Variants in CFAP70 observed in about 807,000 individuals in gnomAD.
The protein encoded by CFAP70 is cilia- and flagella-associated protein 70.
CFAP70 carries 81 observed loss-of-function variants against 137.6 expected under a neutral mutation model. The observed-to-expected ratio is 0.59, with a 90% CI of 0.49 to 0.71. The LOEUF is 0.71. CFAP70 is among the 30% of genes least tolerant of loss of function. CFAP70 has a pLI of 0.00. For synonymous variants in CFAP70, 382 were observed against 423.6 expected, an observed-to-expected ratio of 0.90 and a Z score of 1.20; for missense variants, 976 against 1,226.7, an observed-to-expected ratio of 0.80 and a Z score of 3.05.
intron 3 of CFAP70, among the ~76,000 whole-genome samples, chr10:73,349,750 C>A (rs1488318113): frequency 3.9e-5 from 6 of 152,192 alleles, no homozygotes; most frequent in African/African-American, 1.4e-4. Flanking sequence ...AATAGTATAA[C>A]AACTATCCAT....
chr10:73,354,958 CCCA>C, intron 1 of CFAP70, 123 bp from the exon 2 acceptor site: 1 of 622,566 alleles, frequency 1.6e-6, no homozygotes, highest in Non-Finnish European at 2.8e-6. Context: ...TGTTTTATTC[CCCA>C]TATCCAACCT....
chr10:73,324,639 A>G (rs2051213451), intron 8 of CFAP70, among the ~76,000 whole-genome samples: 1 of 152,246 alleles, frequency 6.6e-6, no homozygotes, highest in African/African-American at 2.4e-5. Flanking sequence ...AGAAGTGCTT[A>G]AAGGAGCTGA....
chr10:73,346,285 C>T (rs759947761), intron 4 of CFAP70, among the ~76,000 whole-genome samples: 16 of 151,922 alleles, frequency 1.1e-4, no homozygotes, highest in Non-Finnish European at 2.4e-4. Context: ...TAGGTATAGA[C>T]ATATATGTGT....
chr10:73,301,949 A>G (rs2048987023), intron 12 of CFAP70, among the ~76,000 whole-genome samples: 1 of 152,170 alleles, frequency 6.6e-6, no homozygotes, highest in Admixed American at 6.5e-5. Flanking sequence ...AGAGAAGTAT[A>G]TGGTATGTGA....
At chr10:73,263,049 C>T (rs2045419839) in intron 25 of CFAP70, among the ~76,000 whole-genome samples, 1 of 152,082 alleles carries the variant, frequency 6.6e-6, no homozygotes, top group Admixed American at 6.5e-5. Flanking sequence ...ATCTATAGAC[C>T]TTATCAAGAT....
chr10:73,290,907 C>G (rs1023856292), intron 19 of CFAP70, among the ~76,000 whole-genome samples: 2 of 152,264 alleles, frequency 1.3e-5, no homozygotes, highest in Non-Finnish European at 2.9e-5. Context: ...AGAGTTTTTC[C>G]TGGTATCCCT....
intron 14 of CFAP70, among the ~76,000 whole-genome samples, chr10:73,297,938 C>T (rs565736299): frequency 1.7e-4 from 26 of 152,322 alleles, no homozygotes; most frequent in African/African-American, 5.8e-4. Context: ...AAGAGTCAAA[C>T]TGAGACATGA....
intron 12 of CFAP70, among the ~76,000 whole-genome samples, chr10:73,303,095 C>T (rs1012921572): frequency 3.9e-5 from 6 of 151,990 alleles, no homozygotes; most frequent in Non-Finnish European, 7.4e-5. Context: ...TGAGGTCTTG[C>T]TATGTTGCCC....
intron 19 of CFAP70, among the ~76,000 whole-genome samples, chr10:73,287,912 T>C (rs1174027737): frequency 6.7e-6 from 1 of 150,264 alleles, no homozygotes; most frequent in Non-Finnish European, 1.5e-5. Flanking sequence ...CTAACTATTT[T>C]TTTGAGATGG....
chr10:73,326,892 A>G (rs1293336711), intron 8 of CFAP70, among the ~76,000 whole-genome samples: 1 of 150,908 alleles, frequency 6.6e-6, no homozygotes, highest in South Asian at 2.1e-4. Context: ...ATTCACAGCC[A>G]AATTCTACCA....
rs1282668167 is a variant in CFAP70 at position 73,345,073 on chromosome 10, G to A, written c.391C>T (p.Leu131Phe). The change falls in exon 5 of 27, where the codon CTT becomes TTT. Residue 131 changes from leucine (L) to phenylalanine (F), a missense_variant. Leu to Phe is a conservative substitution (Grantham distance 22). Coordinates refer to ENST00000310715, the Ensembl canonical transcript of CFAP70. ...TGGCAGTAGGGCTTTACCTCTCCAA[G>A]TGATGGAACTTGCAGACCGACCATG... The A allele has an allele frequency of 2.5e-6, 4 of 1,613,956 alleles. No homozygotes were observed. The African/African-American group carries it at 5.3e-5, about 22-fold the overall frequency.
At chr10:73,293,960 G>A (rs1325628031) in intron 15 of CFAP70, 1 of 152,136 alleles carries the variant, frequency 6.6e-6, no homozygotes, top group Non-Finnish European at 1.5e-5. Context: ...GGGAGAGCAG[G>A]TCTGGTGTAA....
At chr10:73,270,055 A>G (rs558939891) in intron 24 of CFAP70, among the ~76,000 whole-genome samples, 27 of 152,262 alleles carry the variant, frequency 1.8e-4, no homozygotes, top group African/African-American at 5.8e-4. Flanking sequence ...ACTCACTCTC[A>G]TGTGTGCATC....
chr10:73,281,347 TA>T (rs1372371192), intron 19 of CFAP70, among the ~76,000 whole-genome samples: 2 of 146,962 alleles, frequency 1.4e-5, no homozygotes, highest in Admixed American at 1.3e-4. Context: ...CACACCTGGC[TA>T]TTTTTTTTTT....
intron 7 of CFAP70, among the ~76,000 whole-genome samples, chr10:73,333,733 A>T (rs117642908): frequency 0.013 from 1,952 of 152,332 alleles, 21 homozygotes; most frequent in Non-Finnish European, 0.019. Flanking sequence ...GCCAGTAGAC[A>T]TGCCTTACAA....
At chr10:73,302,798 T>G (rs1260020902) in intron 12 of CFAP70, among the ~76,000 whole-genome samples, 1 of 152,168 alleles carries the variant, frequency 6.6e-6, no homozygotes, top group Admixed American at 6.5e-5. Context: ...CAGTTTGGTA[T>G]ACCCATGCCT....
Position 73,275,395 on chromosome 10 carries a change from TTAAA to T in CFAP70, c.2673+47_2673+50del. On this transcript the variant is annotated intron_variant, in intron 22 of 26. Transcript: ENST00000310715. This position sits in a 1 kb window ranked among gnomAD's most constrained non-coding sequence, Gnocchi z 4.0. ...TACGTGTGATATGGCATCACCACCT[TTAAA>T]TAAAGCCCCTTCTCCAGACTCAAGA... 5 of 1,529,590 alleles carry T rather than the reference TTAAA, an allele frequency of 3.3e-6. No individual in the cohort carries two copies. The highest frequency in any genetic ancestry group is 4.4e-6 in the Non-Finnish European group (5 of 1,142,778). The allele number at this position is 1,529,590 out of a possible 1,614,324, so 94.8% of individuals were successfully genotyped here. A position where few individuals can be genotyped will look rare whatever the true frequency, so the allele number is the denominator to read the frequency against.
At chr10:73,338,756 A>T in intron 6 of CFAP70, among the ~76,000 whole-genome samples, 1 of 151,630 alleles carries the variant, frequency 6.6e-6, no homozygotes, top group South Asian at 2.1e-4. Context: ...ACCAAATATG[A>T]ATCAAAAATA....
At chr10:73,287,142 C>G (rs887590991) in intron 19 of CFAP70, among the ~76,000 whole-genome samples, 1 of 152,142 alleles carries the variant, frequency 6.6e-6, no homozygotes, top group Admixed American at 6.6e-5. Flanking sequence ...CTGTTCCCAA[C>G]AGTAGTCACT....
Sources: gnomAD v4.1 joint callset for allele counts (sites outside exome capture counted in the v4.1 genomes callset) on GRCh38, gnomAD v4.1.1 for gene constraint, Gnocchi (gnomAD v3.1) non-coding constraint, MANE v1.5 for transcripts, NCBI Gene and HGNC (gene_info 2026-07-23, HGNC 2026-07-21) for gene names.